TNIK: variants seen among roughly 807,000 people sequenced by gnomAD.
TNIK encodes the protein TRAF2 and NCK-interacting protein kinase.
A neutral mutation model predicts 191.3 loss-of-function variants in TNIK; 49 were observed. The ratio of observed to expected loss-of-function variants is 0.26; its 90% CI spans 0.20 to 0.32. The LOEUF is 0.32. Among genes scored for constraint, TNIK ranks in the 10% least tolerant of loss-of-function variants. The probability of loss-of-function intolerance (pLI) is 1.00; values close to 1 mark genes in which losing one functional copy is unlikely to be tolerated. For missense variants in TNIK, 1,155 were observed against 1,702.3 expected (o/e 0.68, Z 5.66); for synonymous variants, 594 against 600.9 (o/e 0.99, Z 0.17).
At chr3:171,152,258 C>T (rs186996393) in intron 12 of TNIK, among the ~76,000 whole-genome samples, 1 of 150,926 alleles carries the variant, frequency 6.6e-6, no homozygotes, top group East Asian at 2.0e-4. Flanking sequence ...ACCTGGGTGA[C>T]AGAGTAGACT....
At chr3:171,238,395 G>T (rs1048967467) in intron 2 of TNIK, among the ~76,000 whole-genome samples, 2 of 151,438 alleles carry the variant, frequency 1.3e-5, no homozygotes, top group South Asian at 2.1e-4. Flanking sequence ...GGAGGAGAGA[G>T]AATTTAAAAA....
intron 1 of TNIK, among the ~76,000 whole-genome samples, chr3:171,380,547 C>T (rs1483516647): frequency 2.6e-5 from 4 of 152,234 alleles, no homozygotes; most frequent in African/African-American, 7.2e-5. Context: ...GTTCTTCCTA[C>T]ACCTATAAGC....
At chr3:171,218,945 A>C (rs982460393) in intron 3 of TNIK, among the ~76,000 whole-genome samples, 1 of 130,834 alleles carries the variant, frequency 7.6e-6, no homozygotes, top group African/African-American at 2.9e-5. Flanking sequence ...TATATATTTA[A>C]TATATAATAA....
At chr3:171,125,131 T>C (rs989433542) in intron 17 of TNIK, among the ~76,000 whole-genome samples, 6 of 152,240 alleles carry the variant, frequency 3.9e-5, no homozygotes, top group Non-Finnish European at 8.8e-5. Context: ...TGTGGAACAT[T>C]CCATTTGTCA....
chr3:171,260,466 A>C (rs1747462520), intron 2 of TNIK, among the ~76,000 whole-genome samples: 1 of 152,166 alleles, frequency 6.6e-6, no homozygotes, highest in South Asian at 2.1e-4. Context: ...CCCAAGAGAC[A>C]CACACATTTT....
chr3:171,064,049 G>T, intron 32 of TNIK, 85 bp from the exon 33 acceptor site: 1 of 1,294,324 alleles, frequency 7.7e-7, no homozygotes, highest in Non-Finnish European at 1.1e-6. Flanking sequence ...TCTCTCACAT[G>T]TCCTATCCTT....
At chr3:171,370,437 A>G (rs1716333127) in intron 1 of TNIK, among the ~76,000 whole-genome samples, 1 of 152,206 alleles carries the variant, frequency 6.6e-6, no homozygotes, top group Non-Finnish European at 1.5e-5. Flanking sequence ...CTGCTATTAT[A>G]ACTGAATTAC....
intron 2 of TNIK, among the ~76,000 whole-genome samples, chr3:171,264,351 CAT>C (rs1321971912): frequency 4.0e-5 from 6 of 151,132 alleles, no homozygotes; most frequent in Non-Finnish European, 8.9e-5. Flanking sequence ...CACACACACA[CAT>C]ATATATATAT....
rs1553830100 is a variant in TNIK, at chr3:171,139,376, G to GCGCACACA, written c.1419+86_1419+93dup. The GCGCACACA allele has an allele frequency of 3.8e-4, 203 of 531,806 alleles. 1 individual carries two copies. The highest frequency in any genetic ancestry group is 5.5e-4 in the Non-Finnish European group (180 of 328,744). 32.9% of individuals were successfully genotyped at this position (531,806 alleles called of 1,614,324 possible). ...GTATGTTAGAAGGACACACGCACGCGCGCACACACACACACACACACACAC... is the reference window on the plus strand; with the variant it reads ...GTATGTTAGAAGGACACACGCACGCGCGCACACACGCACACACACACACACACACACAC... On this transcript the variant is annotated intron_variant, in intron 14 of 32. Coordinates refer to ENST00000436636, the MANE Select transcript of TNIK (RefSeq NM_015028.4).
At chr3:171,114,868 T>A (rs533394585) in intron 18 of TNIK, among the ~76,000 whole-genome samples, 3 of 152,342 alleles carry the variant, frequency 2.0e-5, no homozygotes, top group East Asian at 3.8e-4. Context: ...ATTTAGAAAA[T>A]GTCTAAAATG....
chr3:171,080,891 G>T (rs1720590853), intron 27 of TNIK, among the ~76,000 whole-genome samples: 2 of 152,170 alleles, frequency 1.3e-5, no homozygotes, highest in Admixed American at 1.3e-4. Context: ...ATGGACACGA[G>T]AGCCAGTGTT....
chr3:171,136,893 A>G (rs1308279081), intron 15 of TNIK, among the ~76,000 whole-genome samples: 1 of 152,200 alleles, frequency 6.6e-6, no homozygotes, highest in Non-Finnish European at 1.5e-5. Flanking sequence ...TACTGATCTA[A>G]GAGAAAGAGG....
At chr3:171,357,337 A>G (rs1296835231) in intron 2 of TNIK, among the ~76,000 whole-genome samples, 1 of 148,644 alleles carries the variant, frequency 6.7e-6, no homozygotes, top group Admixed American at 6.8e-5. Flanking sequence ...CCCAGGCTGG[A>G]GTGTGCAGTG....
chr3:171,126,778 T>G (rs866638885), intron 16 of TNIK, among the ~76,000 whole-genome samples: 1 of 152,242 alleles, frequency 6.6e-6, no homozygotes, highest in Non-Finnish European at 1.5e-5. Context: ...GCTCTTACCA[T>G]CTATGCTGTC....
intron 2 of TNIK, among the ~76,000 whole-genome samples, chr3:171,356,175 T>C (rs1577609410): frequency 1.3e-5 from 2 of 151,166 alleles, no homozygotes; most frequent in East Asian, 3.9e-4. Context: ...ATATAGAGTT[T>C]TTCTGGGGGG....
At position 171,138,253 on chromosome 3, in the gene TNIK, T is replaced by G. The variant is rs752721244; in HGVS notation, c.1546A>C (p.Lys516Gln). 6.2e-7 allele frequency: 1 copy of G among 1,613,662 alleles called. No homozygotes were observed. Among genetic ancestry groups the G allele is most frequent in the South Asian group, 1.1e-5 (1 of 91,018 alleles). The change falls in exon 15 of 33, where the codon AAG (lysine) becomes CAG (glutamine). Residue 516 changes from lysine (K) to glutamine (Q), a missense_variant. Physicochemically the swap from Lys to Gln is moderately conservative, Grantham distance 53. This residue lies in a region of TNIK where 735 missense variants were observed against 848.0 expected (regional missense o/e 0.87). Coordinates refer to ENST00000436636, the MANE Select transcript of TNIK (RefSeq NM_015028.4). Reference protein sequence around the residue: ...QRQEQRPVEKKPLYHYKEGMS... With the variant: ...QRQEQRPVEKQPLYHYKEGMS... The stretch of plus-strand genomic sequence containing the variant: ...CCTTCTTTGTAATGGTACAGTGGCT[T>G]CTTCTCCACAGGCCTCTGCTCCTGC...
Position 171,227,780 on chromosome 3 carries a change from C to T in TNIK, c.180+385G>A, listed in dbSNP as rs1743127766. Among the ~76,000 whole-genome samples, 3 of 152,242 alleles carry T rather than the reference C, an allele frequency of 2.0e-5. 1 individual carries two copies. The highest frequency in any genetic ancestry group is 4.1e-4 in the South Asian group (2 of 4,824). On this transcript the variant is annotated intron_variant, in intron 3 of 32. Coordinates refer to ENST00000436636, the MANE Select transcript of TNIK (RefSeq NM_015028.4). ...AAATATAGAGATGGTCCCTCATTTA[C>T]AATGGTTCAACTTACGATTTTTTTT...
chr3:171,381,985 A>G (rs1355541087), intron 1 of TNIK, among the ~76,000 whole-genome samples: 5 of 152,226 alleles, frequency 3.3e-5, no homozygotes, highest in Non-Finnish European at 5.9e-5. Context: ...TAAGCTGCCT[A>G]TGTCTGAACT....
chr3:171,336,088 T>C (rs1286472859), intron 2 of TNIK, among the ~76,000 whole-genome samples: 1 of 152,172 alleles, frequency 6.6e-6, no homozygotes, highest in East Asian at 1.9e-4. Flanking sequence ...TTTGGTGAAC[T>C]GAGTATCTAG....
Sources: allele counts gnomAD v4.1 joint callset (sites outside exome capture counted in the v4.1 genomes callset), GRCh38; gene constraint gnomAD v4.1.1; regional missense constraint gnomAD v4.1.1; transcripts MANE v1.5; gene names NCBI Gene and HGNC (gene_info 2026-07-23, HGNC 2026-07-21).